Variants in PAMR1 observed in about 807,000 individuals in gnomAD.
PAMR1 encodes inactive serine protease PAMR1.
In PAMR1, 88 loss-of-function variants were observed where a neutral mutation model predicts 81.8. The observed-to-expected ratio is 1.08, with a 90% confidence interval of 0.91 to 1.28. The LOEUF (loss-of-function observed/expected upper bound fraction) is 1.28. Ranked by LOEUF, PAMR1 falls within the 50% of genes most tolerant of loss-of-function variation. PAMR1 has a pLI of 0.00. For missense variants in PAMR1, 935 were observed against 919.7 expected (o/e 1.02, Z -0.21); for synonymous variants, 336 against 345.3 (o/e 0.97, Z 0.30).
At position 35,432,239 on chromosome 11, in the gene PAMR1, C is replaced by A. The variant is rs1457121043; in HGVS notation, c.*117G>T. On this transcript the variant is annotated 3_prime_UTR_variant, in exon 11 of 11. Transcript: ENST00000619888. ...TGAGTTTTGTCCCTGAAGTCAGAAGCCCTGGCACAGCCAAGTTCACAGGCC... is the reference window on the plus strand; with the variant it reads ...TGAGTTTTGTCCCTGAAGTCAGAAGACCTGGCACAGCCAAGTTCACAGGCC... The A allele has an allele frequency of 3.1e-6, 3 of 954,760 alleles. No homozygotes were observed. In the African/African-American group the frequency reaches 4.9e-5, roughly 16 times the overall value. 59.1% of individuals were successfully genotyped at this position (954,760 alleles called of 1,614,324 possible).
chr11:35,494,411 G>A (rs1850686349), intron 1 of PAMR1, 139 bp from the exon 2 acceptor site: 1 of 672,266 alleles, frequency 1.5e-6, no homozygotes, highest in African/African-American at 1.8e-5. Flanking sequence ...TCGGCTCACT[G>A]TAAGCTCTGC....
Position 35,432,798 on chromosome 11 carries a change from G to A in PAMR1, c.1721C>T (p.Thr574Ile), listed in dbSNP as rs773899087. ...LKLLDKARIS[T>I]RVQPICLAAS... ...AGCGAGGCAGATGGGCTGGACTCGG[G>A]TGCTGATACGGGCCTTGTCTAGGAG... Residue 574 changes from threonine to isoleucine, a missense_variant, in exon 11 of 11, where the codon ACC (threonine) becomes ATC (isoleucine). Transcript: ENST00000619888. 2.5e-6 allele frequency: 4 copies of A among 1,609,440 alleles called. No homozygotes were observed. In the East Asian group the frequency reaches 6.7e-5, roughly 27 times the overall value.
chr11:35,436,184 C>T, intron 8 of PAMR1, 49 bp from the exon 9 acceptor site: 1 of 1,215,290 alleles, frequency 8.2e-7, no homozygotes, highest in Non-Finnish European at 1.2e-6. Context: ...GAGAGAAAGT[C>T]ACTGTGGCCT....
intron 1 of PAMR1, among the ~76,000 whole-genome samples, chr11:35,525,021 G>A (rs1021279275): frequency 2.6e-5 from 4 of 152,138 alleles, no homozygotes; most frequent in Admixed American, 1.3e-4. Flanking sequence ...AAGGGGTATG[G>A]CTGTAGGAGT....
intron 1 of PAMR1, among the ~76,000 whole-genome samples, chr11:35,515,825 G>T (rs545841329): frequency 7.0e-6 from 1 of 142,772 alleles, no homozygotes; most frequent in Non-Finnish European, 1.5e-5. Context: ...TGTATGCCAA[G>T]TCTTTTGGGA....
intron 6 of PAMR1, among the ~76,000 whole-genome samples, chr11:35,452,129 G>A (rs534693323): frequency 1.3e-5 from 2 of 152,196 alleles, no homozygotes; most frequent in African/African-American, 2.4e-5. Flanking sequence ...GAATATGTTC[G>A]AGGAAATAAA....
At chr11:35,479,680 A>G (rs114674613) in intron 3 of PAMR1, among the ~76,000 whole-genome samples, 2,127 of 152,290 alleles carry the variant, frequency 0.014, 57 homozygotes, top group African/African-American at 0.048. Flanking sequence ...CAAGGATTAG[A>G]TGATGAAGAC....
intron 7 of PAMR1, among the ~76,000 whole-genome samples, chr11:35,439,970 A>G (rs758170301): frequency 1.4e-4 from 22 of 152,222 alleles, no homozygotes; most frequent in Non-Finnish European, 2.9e-4. Flanking sequence ...GGCATCATAG[A>G]TTAGGATCAT....
intron 6 of PAMR1, among the ~76,000 whole-genome samples, chr11:35,448,794 T>C (rs1439600711): frequency 6.6e-6 from 1 of 152,236 alleles, no homozygotes; most frequent in Non-Finnish European, 1.5e-5. Flanking sequence ...CCTTCAATCT[T>C]TGAGGCTGCT....
At chr11:35,461,275 A>G (rs1479278107) in intron 6 of PAMR1, among the ~76,000 whole-genome samples, 1 of 152,236 alleles carries the variant, frequency 6.6e-6, no homozygotes, top group Admixed American at 6.5e-5. Context: ...TAGCAAAGCA[A>G]TGGTGGGTCT....
chr11:35,434,448 C>T (rs767654031), intron 10 of PAMR1, 64 bp downstream of exon 10: 44 of 1,509,416 alleles, frequency 2.9e-5, no homozygotes, highest in Non-Finnish European at 3.5e-5. Context: ...ATAATCACTG[C>T]TCTCCCGTGC....
At chr11:35,505,122 A>G (rs1183774778) in intron 1 of PAMR1, among the ~76,000 whole-genome samples, 2 of 152,102 alleles carry the variant, frequency 1.3e-5, no homozygotes, top group Non-Finnish European at 2.9e-5. Flanking sequence ...TTTGTCATTC[A>G]TAGGCACATT....
At chr11:35,435,753 G>GA (rs1223865951) in intron 9 of PAMR1, 150 bp downstream of exon 9, 198 of 611,734 alleles carry the variant, frequency 3.2e-4, no homozygotes, top group South Asian at 4.3e-4. Context: ...TAAGCCAAAG[G>GA]AAAAAAAAAG....
chr11:35,476,700 C>A (rs1850291476), intron 3 of PAMR1, among the ~76,000 whole-genome samples: 1 of 152,154 alleles, frequency 6.6e-6, no homozygotes, highest in African/African-American at 2.4e-5. Flanking sequence ...TCCAAAGCCA[C>A]CTTTTAAATA....
intron 1 of PAMR1, among the ~76,000 whole-genome samples, chr11:35,496,676 G>T (rs1418771889): frequency 6.6e-6 from 1 of 152,152 alleles, no homozygotes. Flanking sequence ...AATGTGAAAT[G>T]GTGCAGCCCC....
rs142251375 is a variant in PAMR1 at position 35,516,848 on chromosome 11, G to A, written c.73+8665C>T. 7.6e-3 allele frequency among the ~76,000 whole-genome samples: 1,156 copies of A among 152,278 alleles called. 15 individuals are homozygous for A. Among genetic ancestry groups the A allele is most frequent in the African/African-American group, 0.027 (1,102 of 41,542 alleles). On this transcript the variant is annotated intron_variant, in intron 1 of 10. Transcript: ENST00000619888. The stretch of plus-strand genomic sequence containing the variant: ...TATAGTCAAATGTTTGGTAGTCGAT[G>A]ATGATCTAATGAAATATCAGTCAGG...
intron 3 of PAMR1, among the ~76,000 whole-genome samples, chr11:35,490,935 G>A (rs796332839): frequency 6.6e-6 from 1 of 152,280 alleles, no homozygotes. Context: ...TTTCATTCTA[G>A]AGCTTGTATT....
At chr11:35,507,045 T>C (rs1278587477) in intron 1 of PAMR1, among the ~76,000 whole-genome samples, 33,801 of 100,492 alleles carry the variant, frequency 0.34, 6,430 homozygotes, top group East Asian at 0.62. Context: ...CTGACTTTTT[T>C]TTTTTTTTTT....
chr11:35,529,687 G>A (rs1286934587), upstream of PAMR1, among the ~76,000 whole-genome samples: 1 of 152,142 alleles, frequency 6.6e-6, no homozygotes, highest in Non-Finnish European at 1.5e-5. Context: ...CTGTTTCTGT[G>A]ATGCTTATCT....
Sources: gnomAD v4.1 joint callset for allele counts (sites outside exome capture counted in the v4.1 genomes callset) on GRCh38, gnomAD v4.1.1 for gene constraint, MANE v1.5 for transcripts, NCBI Gene and HGNC (gene_info 2026-07-23, HGNC 2026-07-21) for gene names.